Variants in RALGAPA2 observed in about 807,000 individuals in gnomAD.
RALGAPA2 encodes the protein Ral GTPase activating protein catalytic subunit alpha 2.
A neutral mutation model predicts 230.4 loss-of-function variants in RALGAPA2; 139 were observed. That is an observed-to-expected ratio of 0.60 (90% CI 0.53 to 0.69). RALGAPA2 has a LOEUF of 0.69. Ranked by LOEUF, RALGAPA2 falls within the 30% of genes least tolerant of loss-of-function variation. RALGAPA2 has a pLI of 0.00. For synonymous variants in RALGAPA2, 847 were observed against 837.8 expected (o/e 1.01, Z -0.19); for missense variants, 2,163 against 2,276.0 (o/e 0.95, Z 1.01).
At chr20:20,625,318 A>G (rs1438822469) in intron 10 of RALGAPA2, among the ~76,000 whole-genome samples, 1 of 152,228 alleles carries the variant, frequency 6.6e-6, no homozygotes, top group Non-Finnish European at 1.5e-5. Flanking sequence ...ACACATATAG[A>G]AAGACCAGAC....
rs1304475983 is a variant in RALGAPA2, at chr20:20,472,851, G to A, written c.5473C>T (p.Leu1825Phe). 6.2e-7 allele frequency: 1 copy of A among 1,613,324 alleles called. No homozygotes were observed. Among genetic ancestry groups the A allele is most frequent in the Non-Finnish European group, 8.5e-7 (1 of 1,179,624 alleles). ...CINASRAVKC[L>F]IPLYQSFYEE... ...TACAAGCTCTGGTAGAGTGGGATGA[G>A]GCACTTCACAGCCCTGCTGGCGTTG... The change falls in exon 37 of 40, where the codon CTC becomes TTC. Residue 1825 changes from leucine to phenylalanine, a missense_variant. Leu to Phe is a conservative substitution (Grantham distance 22, BLOSUM62 0). Coordinates refer to ENST00000202677, the MANE Select transcript of RALGAPA2 (RefSeq NM_020343.4).
At chr20:20,703,754 G>C (rs1222427095) in intron 1 of RALGAPA2, among the ~76,000 whole-genome samples, 2 of 152,124 alleles carry the variant, frequency 1.3e-5, no homozygotes, top group Admixed American at 6.5e-5. Context: ...ACCCAGCAGG[G>C]GGATGTTCTC....
In RALGAPA2 at chr20:20,611,363, T is replaced by C. The variant is rs2065969645; in HGVS notation, c.1752A>G (p.Lys584=). The change falls in exon 14 of 40, where the codon AAA becomes AAG. Residue 584 remains lysine (K), a synonymous_variant. Transcript: ENST00000202677. Reference sequence around the variant, plus strand: ...TCTGGGCAAACAAGTCCTTTATTTGTTTATCCTTTGGCTTCTGCATGACAG... The same window carrying C: ...TCTGGGCAAACAAGTCCTTTATTTGCTTATCCTTTGGCTTCTGCATGACAG... ...TEAVMQKPKD[K]QIKDLFAQSL... is the part of the protein sequence containing the mutation. 6.2e-7 allele frequency: 1 copy of C among 1,613,660 alleles called. No individual in the cohort carries two copies.
At chr20:20,433,786 C>A (rs1200718479) in intron 37 of RALGAPA2, among the ~76,000 whole-genome samples, 2 of 152,006 alleles carry the variant, frequency 1.3e-5, no homozygotes, top group Non-Finnish European at 2.9e-5. Flanking sequence ...CACGAAGGAC[C>A]AGGATTAGCA....
At chr20:20,507,478 G>A (rs1280022799) in intron 33 of RALGAPA2, among the ~76,000 whole-genome samples, 2 of 152,088 alleles carry the variant, frequency 1.3e-5, no homozygotes, top group African/African-American at 2.4e-5. Context: ...CAGTAGCTGG[G>A]ACTACAGGTG....
At chr20:20,535,649 T>A in intron 26 of RALGAPA2, 96 bp downstream of exon 26, 1 of 1,452,216 alleles carries the variant, frequency 6.9e-7, no homozygotes, top group Non-Finnish European at 9.1e-7. Context: ...AAGAGCTATG[T>A]GAAAGAATAA....
In RALGAPA2 at chr20:20,521,075, G is replaced by C. The variant is rs770005503; in HGVS notation, c.3926C>G (p.Ser1309Ter). 3 of 1,612,922 alleles carry C rather than the reference G, an allele frequency of 1.9e-6. No homozygotes were observed. Among genetic ancestry groups the C allele is most frequent in the Non-Finnish European group, 2.5e-6 (3 of 1,179,134 alleles). ...YRVLHCCVCGSSTYTQQSHYI... is the reference protein window; with the variant it reads ...YRVLHCCVCG ...GTGACTCTGTTGGGTGTACGTGCTT[G>C]AGCCACACACACAGCAGTGCAAAAC... Residue 1309 changes from serine to a stop codon, truncating the protein, a stop_gained, in exon 31 of 40, where the codon TCA (serine) becomes TGA (stop). Coordinates refer to ENST00000202677, the MANE Select transcript of RALGAPA2 (RefSeq NM_020343.4). LOFTEE classifies it high-confidence loss of function.
chr20:20,455,531 C>T (rs777112209), intron 37 of RALGAPA2, among the ~76,000 whole-genome samples: 1 of 152,166 alleles, frequency 6.6e-6, no homozygotes, highest in African/African-American at 2.4e-5. Context: ...AAGCCTAGGA[C>T]GGGCATTCCT....
intron 16 of RALGAPA2, among the ~76,000 whole-genome samples, chr20:20,593,630 T>C (rs1482163420): frequency 6.6e-6 from 1 of 152,242 alleles, no homozygotes; most frequent in East Asian, 1.9e-4. Flanking sequence ...GCTTCCTAAC[T>C]TTCTAAACTA....
intron 3 of RALGAPA2, chr20:20,659,789 G>A: frequency 1.1e-6 from 1 of 909,322 alleles, no homozygotes; most frequent in South Asian, 1.3e-5. Context: ...CAGAAAGATG[G>A]AGAGAAGGAA....
At chr20:20,457,737 C>T (rs1019711945) in intron 37 of RALGAPA2, among the ~76,000 whole-genome samples, 6 of 152,148 alleles carry the variant, frequency 3.9e-5, no homozygotes, top group East Asian at 1.9e-4. Flanking sequence ...GCAGGGGGCA[C>T]GGTGTGAGTA....
At chr20:20,565,724 T>C (rs781449007) in intron 23 of RALGAPA2, among the ~76,000 whole-genome samples, 10 of 152,224 alleles carry the variant, frequency 6.6e-5, no homozygotes, top group Admixed American at 2.6e-4. Flanking sequence ...CTAAATATTA[T>C]TGCCTACAAA....
At chr20:20,680,351 C>T (rs1276386124) in intron 2 of RALGAPA2, among the ~76,000 whole-genome samples, 3 of 152,206 alleles carry the variant, frequency 2.0e-5, no homozygotes, top group African/African-American at 7.2e-5. Context: ...GCAAAACAGA[C>T]ACTTGAGTGT....
At chr20:20,524,081 G>C (rs113806591) in intron 30 of RALGAPA2, among the ~76,000 whole-genome samples, 4 of 151,878 alleles carry the variant, frequency 2.6e-5, no homozygotes, top group African/African-American at 7.3e-5. Flanking sequence ...CTCAGCCTCC[G>C]GGGTAGCTGG....
chr20:20,542,739 C>T lies in RALGAPA2; in HGVS notation c.3285+3965G>A, dbSNP rs190760734. ...AAACTGAAACTGGACCCCTTCTTTA[C>T]ACCTTATACAAAAATTAACTCAAGA... On this transcript the variant is annotated intron_variant, in intron 24 of 39. Transcript: ENST00000202677. 2.6e-3 allele frequency among the ~76,000 whole-genome samples: 395 copies of T among 152,230 alleles called. 4 individuals carry two copies. Among genetic ancestry groups the T allele is most frequent in the African/African-American group, 9.0e-3 (374 of 41,526 alleles).
chr20:20,401,849 G>C (rs1018750181), intron 38 of RALGAPA2, among the ~76,000 whole-genome samples: 1 of 152,186 alleles, frequency 6.6e-6, no homozygotes, highest in Non-Finnish European at 1.5e-5. Context: ...TGCTCCTTTT[G>C]AATTGCAAAG....
In RALGAPA2 at chr20:20,619,322, C is replaced by A; in HGVS notation, c.1494G>T (p.Glu498Asp). ...CGGCTTTCACATTTGTATTTTCCTC[C>A]TCTGTCACACACCCTCTGCTCATTG... ...TSAMSRGCVT[E>D]EENTNVKAGV... Residue 498 changes from glutamate (E) to aspartate (D), a missense_variant, in exon 12 of 40, where the codon GAG (glutamate) becomes GAT (aspartate). Glu to Asp is a conservative substitution (Grantham distance 45, BLOSUM62 2). Transcript: ENST00000202677. 1 of 1,611,490 alleles carries A rather than the reference C, an allele frequency of 6.2e-7. No individual in the cohort carries two copies. Among genetic ancestry groups the A allele is most frequent in the Non-Finnish European group, 8.5e-7 (1 of 1,178,298 alleles).
chr20:20,525,574 G>A (rs2063175566), intron 28 of RALGAPA2, among the ~76,000 whole-genome samples: 1 of 152,132 alleles, frequency 6.6e-6, no homozygotes, highest in African/African-American at 2.4e-5. Context: ...AAGTTTCCTC[G>A]AAGAGTTACC....
At chr20:20,612,022 C>T (rs2065991981) in intron 13 of RALGAPA2, among the ~76,000 whole-genome samples, 2 of 152,160 alleles carry the variant, frequency 1.3e-5, no homozygotes, top group South Asian at 4.2e-4. Context: ...AGACAAATGC[C>T]ATCACTGCAG....
Sources: gnomAD v4.1 joint callset for allele counts (sites outside exome capture counted in the v4.1 genomes callset) on GRCh38, gnomAD v4.1.1 for gene constraint, MANE v1.5 for transcripts, NCBI Gene and HGNC (gene_info 2026-07-23, HGNC 2026-07-21) for gene names.